The following XKR4 variants were observed in gnomAD, a reference collection of about 807,000 sequenced individuals.
The protein encoded by XKR4 is XK-related protein 4.
Under a neutral mutation model 53.9 loss-of-function variants are expected in XKR4, and 12 were observed. The observed-to-expected ratio is 0.22, with a 90% CI of 0.14 to 0.36. The LOEUF is 0.36. Ranked by LOEUF, XKR4 falls within the 10% of genes least tolerant of loss-of-function variation. The probability of loss-of-function intolerance (pLI) is 1.00; values close to 1 mark genes in which losing one functional copy is unlikely to be tolerated. For synonymous variants in XKR4, 354 were observed against 362.4 expected, an observed-to-expected ratio of 0.98 and a Z score of 0.26; for missense variants, 799 against 859.5, an observed-to-expected ratio of 0.93 and a Z score of 0.88.
intron 1 of XKR4, among the ~76,000 whole-genome samples, chr8:55,307,592 T>C (rs1368755221): frequency 6.6e-6 from 1 of 152,016 alleles, no homozygotes; most frequent in Non-Finnish European, 1.5e-5. Flanking sequence ...AGGTTGAGGC[T>C]GTAGTGAGCT....
chr8:55,487,071 G>T (rs780000801), intron 2 of XKR4, among the ~76,000 whole-genome samples: 14 of 152,180 alleles, frequency 9.2e-5, no homozygotes, highest in Non-Finnish European at 1.9e-4. Context: ...CAGACTGTCT[G>T]CAAGCTGGAG....
At chr8:55,212,418 G>C (rs955772727) in intron 1 of XKR4, among the ~76,000 whole-genome samples, 24 of 152,104 alleles carry the variant, frequency 1.6e-4, no homozygotes, top group African/African-American at 5.6e-4. Context: ...TCTGCTCTCT[G>C]TCATGTTGGT....
intron 1 of XKR4, among the ~76,000 whole-genome samples, chr8:55,150,845 C>A (rs2129355622): frequency 6.6e-6 from 1 of 152,180 alleles, no homozygotes; most frequent in African/African-American, 2.4e-5. Flanking sequence ...TGCCAAAAGT[C>A]ATTGGAAAAA....
intron 2 of XKR4, among the ~76,000 whole-genome samples, chr8:55,402,118 G>A (rs1402482922): frequency 3.9e-5 from 6 of 152,096 alleles, no homozygotes; most frequent in Non-Finnish European, 7.3e-5. Context: ...AAACTCCAGC[G>A]GATAAGTCAT....
At chr8:55,266,747 C>T (rs1818607278) in intron 1 of XKR4, among the ~76,000 whole-genome samples, 1 of 152,164 alleles carries the variant, frequency 6.6e-6, no homozygotes, top group Non-Finnish European at 1.5e-5. Flanking sequence ...AGAACCAGAA[C>T]AGCCCTCTAT....
intron 1 of XKR4, among the ~76,000 whole-genome samples, chr8:55,258,927 A>G (rs1423390546): frequency 1.3e-5 from 2 of 152,208 alleles, no homozygotes; most frequent in Non-Finnish European, 2.9e-5. Context: ...CTCAGATTTA[A>G]GAATACTCCT....
At chr8:55,357,289 C>T (rs1261137844) in intron 1 of XKR4, among the ~76,000 whole-genome samples, 1 of 152,148 alleles carries the variant, frequency 6.6e-6, no homozygotes, top group Non-Finnish European at 1.5e-5. Flanking sequence ...TTTGGTATTT[C>T]AGGCTTTCAT....
intron 1 of XKR4, among the ~76,000 whole-genome samples, chr8:55,142,777 T>C (rs1278049279): frequency 6.6e-6 from 1 of 152,234 alleles, no homozygotes; most frequent in Non-Finnish European, 1.5e-5. Context: ...TTAGTAAGCT[T>C]TTATTGCATG....
intron 2 of XKR4, among the ~76,000 whole-genome samples, chr8:55,455,643 G>A (rs966189284): frequency 6.6e-6 from 1 of 152,182 alleles, no homozygotes; most frequent in African/African-American, 2.4e-5. Flanking sequence ...ATTGAATAGC[G>A]AGATCCTGGA....
chr8:55,241,281 C>T (rs1008783101), intron 1 of XKR4, among the ~76,000 whole-genome samples: 6 of 152,150 alleles, frequency 3.9e-5, no homozygotes, highest in Non-Finnish European at 8.8e-5. Flanking sequence ...CTCATAGATC[C>T]CTATCCTCAT....
chr8:55,152,850 A>G (rs1252316608), intron 1 of XKR4, among the ~76,000 whole-genome samples: 2 of 152,220 alleles, frequency 1.3e-5, no homozygotes, highest in African/African-American at 2.4e-5. Flanking sequence ...ATTTGAGCCT[A>G]GGCAAGTTAC....
chr8:55,376,180 C>A (rs1447072946), intron 2 of XKR4, among the ~76,000 whole-genome samples: 1 of 152,116 alleles, frequency 6.6e-6, no homozygotes, highest in African/African-American at 2.4e-5. Flanking sequence ...AATAGTCCTG[C>A]AGTGAACATA....
chr8:55,114,500 A>C (rs1030550355), intron 1 of XKR4, among the ~76,000 whole-genome samples: 2 of 152,304 alleles, frequency 1.3e-5, no homozygotes, highest in African/African-American at 4.8e-5. Context: ...GCACATCATC[A>C]CAAATGGGGC....
rs914330156 is a variant in XKR4 at position 55,533,532 on chromosome 8, T to G, written c.*9305T>G. ...GGAAGCTTGGGGCTCTGTGGAAAGATGTAAATCCCTCCTGCTGTAAGAGGA... is the reference window on the plus strand; with the variant it reads ...GGAAGCTTGGGGCTCTGTGGAAAGAGGTAAATCCCTCCTGCTGTAAGAGGA... On this transcript the variant is annotated 3_prime_UTR_variant, in exon 3 of 3. Transcript: ENST00000327381. 6.6e-6 allele frequency: 1 copy of G among 152,156 alleles called. No homozygotes were observed. Among genetic ancestry groups the G allele is most frequent in the Non-Finnish European group, 1.5e-5 (1 of 68,032 alleles). 9.4% of individuals were successfully genotyped at this position (152,156 alleles called of 1,614,324 possible).
intron 2 of XKR4, among the ~76,000 whole-genome samples, chr8:55,418,747 G>T (rs569461252): frequency 6.6e-6 from 1 of 152,142 alleles, no homozygotes. Context: ...CAGTGATAGC[G>T]GCTGTTTCCT....
At chr8:55,259,317 A>T (rs890737657) in intron 1 of XKR4, among the ~76,000 whole-genome samples, 1 of 152,222 alleles carries the variant, frequency 6.6e-6, no homozygotes, top group Non-Finnish European at 1.5e-5. Context: ...GATCATGAAG[A>T]TTAAATTAGA....
intron 1 of XKR4, among the ~76,000 whole-genome samples, chr8:55,151,902 T>C (rs780882994): frequency 2.0e-5 from 3 of 152,210 alleles, no homozygotes; most frequent in Non-Finnish European, 4.4e-5. Flanking sequence ...ACATCGTCAC[T>C]ATCTTTACTG....
At chr8:55,479,824 A>C (rs971226093) in intron 2 of XKR4, among the ~76,000 whole-genome samples, 8 of 152,180 alleles carry the variant, frequency 5.3e-5, no homozygotes, top group South Asian at 2.1e-4. Context: ...TCCTCAACAA[A>C]CACACTCTCC....
chr8:55,280,589 A>G (rs956316230), intron 1 of XKR4, among the ~76,000 whole-genome samples: 4 of 152,178 alleles, frequency 2.6e-5, no homozygotes, highest in African/African-American at 7.2e-5. Flanking sequence ...ACTATTTCTA[A>G]TTGTTTTCAA....
Sources: gnomAD v4.1 joint callset for allele counts (sites outside exome capture counted in the v4.1 genomes callset) on GRCh38, gnomAD v4.1.1 for gene constraint, MANE v1.5 for transcripts, NCBI Gene and HGNC (gene_info 2026-07-23, HGNC 2026-07-21) for gene names.